ASB3: variants seen among roughly 807,000 people sequenced by gnomAD.
ASB3 encodes ankyrin repeat and SOCS box containing 3.
In ASB3, 41 loss-of-function variants were observed where a neutral mutation model predicts 54.5. The ratio of observed to expected loss-of-function variants is 0.75; its 90% CI spans 0.59 to 0.98. The LOEUF (loss-of-function observed/expected upper bound fraction) is 0.98, where lower values mean the gene tolerates loss of function less well. ASB3 is among the 50% of genes least tolerant of loss of function. ASB3 has a pLI of 0.00. For synonymous variants in ASB3, 266 were observed against 221.2 expected, an observed-to-expected ratio of 1.20 and a Z score of -1.80; for missense variants, 733 against 620.0, an observed-to-expected ratio of 1.18 and a Z score of -1.94.
chr2:53,712,290 T>C (rs12613682), intron 7 of ASB3, among the ~76,000 whole-genome samples: 11,846 of 152,078 alleles, frequency 0.078, 514 homozygotes, highest in East Asian at 0.18. Context: ...TGCCACTAAA[T>C]ACTGTTTTTC....
rs375857918 is a variant in ASB3 at position 53,692,661 on chromosome 2, T to G, written c.1369+1223A>C. Among the ~76,000 whole-genome samples the G allele has an allele frequency of 1.2e-4, 18 of 152,268 alleles. No individual in the cohort carries two copies. In the East Asian group the frequency reaches 1.3e-3, roughly 11 times the overall value. ...ATATGTTAAGGTCTTAAGGGTAAAC[T>G]CTCATATATCCTTACTAATCGATAT... On this transcript the variant is annotated intron_variant, in intron 9 of 9. Coordinates refer to ENST00000263634, the MANE Select transcript of ASB3 (RefSeq NM_016115.5).
intron 6 of ASB3, 30 bp downstream of exon 6, chr2:53,716,536 C>A (rs199822279): frequency 1.9e-6 from 3 of 1,597,880 alleles, no homozygotes; most frequent in Non-Finnish European, 2.6e-6. Flanking sequence ...GATTAAGAGA[C>A]CATGTTTATT....
At chr2:53,774,296 A>G (rs754654831) in intron 1 of ASB3, 11 of 1,614,014 alleles carry the variant, frequency 6.8e-6, no homozygotes. Flanking sequence ...GTATTGCTAT[A>G]TATTGGAACA....
intron 9 of ASB3, among the ~76,000 whole-genome samples, chr2:53,685,089 A>G (rs1668563554): frequency 6.6e-6 from 1 of 152,226 alleles, no homozygotes; most frequent in Non-Finnish European, 1.5e-5. Flanking sequence ...AAGAGCCCTT[A>G]TATGCCTTGC....
intron 9 of ASB3, among the ~76,000 whole-genome samples, chr2:53,674,829 C>T (rs145262833): frequency 3.3e-5 from 5 of 151,850 alleles, no homozygotes; most frequent in Admixed American, 1.3e-4. Context: ...TAACTAAAAC[C>T]GCTAGAAAAA....
intron 2 of ASB3, among the ~76,000 whole-genome samples, chr2:53,760,644 TA>T (rs57701935): frequency 0.18 from 26,977 of 152,144 alleles, 3,051 homozygotes; most frequent in African/African-American, 0.32. Flanking sequence ...GGAAATTACT[TA>T]AAACCCTTCA....
chr2:53,767,837 G>C lies in ASB3; in HGVS notation c.-13-2252C>G, dbSNP rs374912087. On this transcript the variant is annotated intron_variant, in intron 1 of 9. Coordinates refer to ENST00000263634, the MANE Select transcript of ASB3 (RefSeq NM_016115.5). ...ACCGGAGGCTTCAGTCCCCGGCGGC[G>C]CGGCGACAGCTAGGGTTCACGGCCA... The C allele has an allele frequency of 1.3e-5, 20 of 1,559,488 alleles. No homozygotes were observed. In the African/African-American group the frequency reaches 2.6e-4, roughly 20 times the overall value.
chr2:53,769,043 T>A (rs1187013699), intron 1 of ASB3, among the ~76,000 whole-genome samples: 7 of 152,230 alleles, frequency 4.6e-5, no homozygotes, highest in African/African-American at 1.7e-4. Flanking sequence ...GGCTTTTAAG[T>A]AGACTATACT....
At chr2:53,672,823 C>T (rs886214372) in intron 9 of ASB3, among the ~76,000 whole-genome samples, 1 of 152,064 alleles carries the variant, frequency 6.6e-6, no homozygotes, top group African/African-American at 2.4e-5. Flanking sequence ...TTTTTGCTTT[C>T]AGTTGTTGTA....
At chr2:53,712,662 CT>C (rs1670164810) in intron 7 of ASB3, among the ~76,000 whole-genome samples, 1 of 152,092 alleles carries the variant, frequency 6.6e-6, no homozygotes, top group African/African-American at 2.4e-5. Flanking sequence ...GAGGCGTGAG[CT>C]TAGCTGCTGT....
intron 2 of ASB3, among the ~76,000 whole-genome samples, chr2:53,758,020 G>A (rs911150019): frequency 2.0e-5 from 3 of 152,128 alleles, no homozygotes; most frequent in Non-Finnish European, 1.5e-5. Flanking sequence ...CAGAGAGAGA[G>A]AGAAAAGAGA....
Position 53,700,320 on chromosome 2 carries a change from G to A in ASB3, c.1189C>T (p.His397Tyr), listed in dbSNP as rs138131573. 6.8e-6 allele frequency: 11 copies of A among 1,614,074 alleles called. No homozygotes were observed. Among genetic ancestry groups the A allele is most frequent in the East Asian group, 2.2e-5 (1 of 44,864 alleles). The stretch of plus-strand genomic sequence containing the variant: ...GGGTCAAATCCAGCAACCAGAAGAT[G>A]TGGCAACCACTCCTTATATTTTGCT... Reference protein sequence around the residue: ...AQAKYKEWLPHLLVAGFDPLI... With the variant: ...AQAKYKEWLPYLLVAGFDPLI... Residue 397 changes from histidine to tyrosine, a missense_variant, in exon 8 of 10, where the codon CAT becomes TAT. Physicochemically the swap from His to Tyr is moderately conservative, Grantham distance 83. Coordinates refer to ENST00000263634, the MANE Select transcript of ASB3 (RefSeq NM_016115.5).
chr2:53,675,119 TC>T (rs1249882011), intron 9 of ASB3, among the ~76,000 whole-genome samples: 3 of 152,168 alleles, frequency 2.0e-5, no homozygotes, highest in Admixed American at 6.5e-5. Context: ...TAATGACACT[TC>T]CCTGCATCAA....
intron 3 of ASB3, among the ~76,000 whole-genome samples, chr2:53,746,344 C>G (rs1216373674): frequency 1.3e-5 from 2 of 151,994 alleles, no homozygotes; most frequent in East Asian, 1.9e-4. Flanking sequence ...TAAAGTTTGT[C>G]CTATTATTCA....
intron 9 of ASB3, among the ~76,000 whole-genome samples, chr2:53,689,936 T>C (rs10181592): frequency 0.036 from 5,426 of 152,140 alleles, 325 homozygotes; most frequent in African/African-American, 0.12. Flanking sequence ...GTACTACTAC[T>C]AAAAACTAAG....
At chr2:53,780,616 A>G (rs1674592382) in intron 1 of ASB3, among the ~76,000 whole-genome samples, 1 of 152,016 alleles carries the variant, frequency 6.6e-6, no homozygotes, top group East Asian at 1.9e-4. Flanking sequence ...ATGTCTCTAC[A>G]AAAATGTAAA....
intron 7 of ASB3, among the ~76,000 whole-genome samples, chr2:53,714,053 TG>T (rs1670254287): frequency 6.6e-6 from 1 of 152,212 alleles, no homozygotes; most frequent in African/African-American, 2.4e-5. Context: ...CTGCCTTACT[TG>T]ATAAAGCCCC....
chr2:53,778,446 T>C (rs570270761), intron 1 of ASB3, among the ~76,000 whole-genome samples: 24 of 152,272 alleles, frequency 1.6e-4, no homozygotes, highest in African/African-American at 5.8e-4. Flanking sequence ...TCTTAGCAAG[T>C]ATAAAGTACA....
In ASB3 at chr2:53,786,948, G is replaced by A. The variant is rs1179872377; in HGVS notation, c.-141C>T. On this transcript the variant is annotated 5_prime_UTR_variant, in exon 1 of 10. Transcript: ENST00000263634. ...GCCGTCCGAAAACGAGAGACGCGCA[G>A]GCGACGTCCCGGCCCCCGTAGGCGG... The A allele has an allele frequency of 4.5e-6, 2 of 441,492 alleles. No homozygotes were observed. Among genetic ancestry groups the A allele is most frequent in the African/African-American group, 2.0e-5 (1 of 49,868 alleles). The allele number at this position is 441,492 out of a possible 1,614,324, so 27.3% of individuals were successfully genotyped here. A position where few individuals can be genotyped will look rare whatever the true frequency, so the allele number is the denominator to read the frequency against.
Sources: gnomAD v4.1 joint callset for allele counts (sites outside exome capture counted in the v4.1 genomes callset) on GRCh38, gnomAD v4.1.1 for gene constraint, MANE v1.5 for transcripts, NCBI Gene and HGNC (gene_info 2026-07-23, HGNC 2026-07-21) for gene names.